Variants in SPATA31H1 observed in about 807,000 individuals in gnomAD.
The protein encoded by SPATA31H1 is spermatogenesis-associated protein 31H1.
chr2:27,566,544 G>C, the SPATA31H1 span, among the ~76,000 whole-genome samples: 1 of 152,084 alleles, frequency 6.6e-6, no homozygotes, highest in Non-Finnish European at 1.5e-5. Context: ...TCATTTCTGG[G>C]TGGAATGGGA....
chr2:27,566,465 G>C, the SPATA31H1 span: 4 of 680,048 alleles, frequency 5.9e-6, no homozygotes, highest in East Asian at 1.1e-4. Context: ...GAAGGAGGGA[G>C]GGAGAGAGGG....
At chr2:27,549,680 A>G in the SPATA31H1 span, among the ~76,000 whole-genome samples, 1 of 151,786 alleles carries the variant, frequency 6.6e-6, no homozygotes, top group African/African-American at 2.4e-5. Flanking sequence ...GCATGATGGC[A>G]TGCCTGTAGT....
the SPATA31H1 span, chr2:27,576,247 T>C: frequency 4.7e-6 from 2 of 421,740 alleles, no homozygotes; most frequent in African/African-American, 4.1e-5. Flanking sequence ...TCTGTTGTGT[T>C]CAACTCTGTG....
At chr2:27,577,826 G>A in the SPATA31H1 span, 1 of 1,614,128 alleles carries the variant, frequency 6.2e-7, no homozygotes, top group South Asian at 1.1e-5. The surrounding 1 kb of genome is among the most constrained non-coding windows in gnomAD (Gnocchi z 4.5). Flanking sequence ...AATCTTTAGA[G>A]GTGCCCCTGA....
chr2:27,582,397 A>G, the SPATA31H1 span: 1 of 1,614,130 alleles, frequency 6.2e-7, no homozygotes, highest in Non-Finnish European at 8.5e-7. Flanking sequence ...GAGGGACTCA[A>G]GTACAGTTTC....
chr2:27,565,530 CTCCA>C, the SPATA31H1 span: 1 of 660,596 alleles, frequency 1.5e-6, no homozygotes, highest in Non-Finnish European at 2.8e-6. Context: ...TTTCTAGCAT[CTCCA>C]TGTCTAAAGA....
the SPATA31H1 span, chr2:27,581,489 C>T: frequency 1.9e-5 from 31 of 1,612,244 alleles, no homozygotes; most frequent in African/African-American, 6.7e-5. Context: ...GGAGCCATCG[C>T]GGTCCCTCTC....
chr2:27,556,693 T>TATATA, the SPATA31H1 span, among the ~76,000 whole-genome samples: 11 of 92,516 alleles, frequency 1.2e-4, no homozygotes, highest in African/African-American at 3.6e-4. Flanking sequence ...AGGGCATATA[T>TATATA]TTTTTTTTTT....
At chr2:27,570,850 A>G in the SPATA31H1 span, 1 of 398,864 alleles carries the variant, frequency 2.5e-6, no homozygotes, top group African/African-American at 2.1e-5. Context: ...GAAGTTTCCT[A>G]TAAATTAGTC....
At chr2:27,573,772 C>G in the SPATA31H1 span, 2 of 398,384 alleles carry the variant, frequency 5.0e-6, no homozygotes, top group Non-Finnish European at 8.8e-6. Flanking sequence ...CCAGCGTTTA[C>G]ACAAGTGCCA....
At chr2:27,582,322 C>T in the SPATA31H1 span, 2 of 1,612,416 alleles carry the variant, frequency 1.2e-6, no homozygotes, top group Admixed American at 3.3e-5. Flanking sequence ...GAGATGAGGC[C>T]AGGGAGGCCC....
chr2:27,576,453 T>TGTA, the SPATA31H1 span: 1 of 714,158 alleles, frequency 1.4e-6, no homozygotes, highest in Admixed American at 3.0e-5. Context: ...ATCTGTGAAG[T>TGTA]CAACTCTATG....
the SPATA31H1 span, chr2:27,577,201 C>T: frequency 1.2e-6 from 2 of 1,613,960 alleles, no homozygotes; most frequent in Admixed American, 1.7e-5. The surrounding 1 kb of genome is among the most constrained non-coding windows in gnomAD (Gnocchi z 4.5). Flanking sequence ...GTTGATCTGA[C>T]TCCAATGGTA....
chr2:27,579,711 G>A, the SPATA31H1 span: 16 of 1,614,008 alleles, frequency 9.9e-6, no homozygotes, highest in African/African-American at 2.1e-4. Flanking sequence ...TGTTCCAATG[G>A]AAGAAAGTGA....
the SPATA31H1 span, chr2:27,574,195 C>T: frequency 2.0e-5 from 8 of 398,404 alleles, no homozygotes; most frequent in Admixed American, 1.3e-4. Context: ...GAATGCAACT[C>T]AGGCCCACGG....
chr2:27,576,818 G>T, the SPATA31H1 span: 1 of 1,614,126 alleles, frequency 6.2e-7, no homozygotes, highest in Non-Finnish European at 8.5e-7. Context: ...TATCTTCAGT[G>T]TCTCTGCAGC....
chr2:27,551,774 T>G, the SPATA31H1 span, among the ~76,000 whole-genome samples: 1 of 152,030 alleles, frequency 6.6e-6, no homozygotes, highest in Admixed American at 6.5e-5. Context: ...TAATTCTAAA[T>G]GTTAAGCACA....
At chr2:27,578,934 C>T in the SPATA31H1 span, 4 of 1,613,884 alleles carry the variant, frequency 2.5e-6, no homozygotes, top group Non-Finnish European at 3.4e-6. Context: ...TACTATGATA[C>T]AATCTTTAAC....
the SPATA31H1 span, chr2:27,574,062 T>C: frequency 7.5e-6 from 3 of 398,358 alleles, no homozygotes; most frequent in Non-Finnish European, 8.9e-6. Flanking sequence ...ATATTATGAT[T>C]TGACCACAAG....
Sources: gnomAD v4.1 joint callset for allele counts (sites outside exome capture counted in the v4.1 genomes callset) on GRCh38, gnomAD v4.1.1 for gene constraint, Gnocchi (gnomAD v3.1) non-coding constraint, MANE v1.5 for transcripts, NCBI Gene and HGNC (gene_info 2026-07-23, HGNC 2026-07-21) for gene names.